Variants in GARNL3 observed in about 807,000 individuals in gnomAD.
The protein encoded by GARNL3 is GTPase activating Rap/RanGAP domain like 3.
Under a neutral mutation model 125.0 loss-of-function variants are expected in GARNL3, and 63 were observed. The ratio of observed to expected loss-of-function variants is 0.50; its 90% CI spans 0.41 to 0.62. The LOEUF is 0.62. GARNL3 is among the 20% of genes least tolerant of loss of function. The probability of loss-of-function intolerance (pLI) is 0.00; values close to 1 mark genes in which losing one functional copy is unlikely to be tolerated. For missense variants in GARNL3, 994 were observed against 1,244.0 expected, an observed-to-expected ratio of 0.80 and a Z score of 3.02; for synonymous variants, 439 against 457.5, an observed-to-expected ratio of 0.96 and a Z score of 0.52.
intron 9 of GARNL3, among the ~76,000 whole-genome samples, chr9:127,334,975 G>A (rs901231268): frequency 6.6e-6 from 1 of 152,192 alleles, no homozygotes; most frequent in African/African-American, 2.4e-5. Flanking sequence ...CTCCTCTTTA[G>A]CCTGGACTTC....
Position 127,311,675 on chromosome 9 carries a change from G to C in GARNL3, c.259G>C (p.Val87Leu). 6.2e-7 allele frequency: 1 copy of C among 1,613,982 alleles called. No homozygotes were observed. The highest frequency in any genetic ancestry group is 8.5e-7 in the Non-Finnish European group (1 of 1,179,876). The stretch of plus-strand genomic sequence containing the variant: ...GCCTGGTACTTGGCGAAGAACAGAC[G>C]TGCACTTAGAGAACCCAGAATACCA... ...ALPGTWRRTD[V>L]HLENPEYHTR... Residue 87 changes from valine (V) to leucine (L), a missense_variant, in exon 3 of 28, where the codon GTG becomes CTG. By Grantham distance (32) the Val-to-Leu change is conservative. This residue lies in a region of GARNL3 where 139 missense variants were observed against 231.6 expected (regional missense o/e 0.60). Coordinates refer to ENST00000373387, the MANE Select transcript of GARNL3 (RefSeq NM_032293.5).
intron 8 of GARNL3, 24 bp from the exon 9 acceptor site, chr9:127,332,999 C>T (rs1184714303): frequency 6.5e-6 from 10 of 1,542,984 alleles, no homozygotes; most frequent in Non-Finnish European, 9.0e-6. Context: ...CCATACTTTC[C>T]TCATACTCTA....
intron 1 of GARNL3, among the ~76,000 whole-genome samples, chr9:127,239,727 AAGTT>A (rs1374689248): frequency 6.6e-6 from 1 of 152,204 alleles, no homozygotes; most frequent in Non-Finnish European, 1.5e-5. Context: ...TAAAATTAGA[AAGTT>A]AGGACTAGAA....
chr9:127,374,614 A>T (rs904716349), intron 22 of GARNL3, among the ~76,000 whole-genome samples: 1 of 152,216 alleles, frequency 6.6e-6, no homozygotes, highest in Non-Finnish European at 1.5e-5. Context: ...CTCATACAGG[A>T]CTGGTAAAGG....
intron 2 of GARNL3, among the ~76,000 whole-genome samples, chr9:127,249,222 G>C (rs555426178): frequency 6.6e-6 from 1 of 152,298 alleles, no homozygotes; most frequent in East Asian, 1.9e-4. Context: ...AAATGGAAAG[G>C]GGAAGAAGGG....
At chr9:127,308,322 G>C (rs1460598485) in intron 2 of GARNL3, among the ~76,000 whole-genome samples, 1 of 152,188 alleles carries the variant, frequency 6.6e-6, no homozygotes, top group Non-Finnish European at 1.5e-5. Flanking sequence ...GAGGAGGGAA[G>C]ATGCTGCATT....
At chr9:127,257,384 T>C (rs768793853) in intron 2 of GARNL3, among the ~76,000 whole-genome samples, 5 of 152,226 alleles carry the variant, frequency 3.3e-5, no homozygotes, top group Non-Finnish European at 7.3e-5. Flanking sequence ...AATTTTATAG[T>C]CCCACTTGCA....
intron 1 of GARNL3, among the ~76,000 whole-genome samples, chr9:127,289,287 C>T (rs1229432089): frequency 1.3e-5 from 2 of 152,216 alleles, no homozygotes; most frequent in African/African-American, 4.8e-5. Context: ...AGACCACTCT[C>T]AGGTTTGATA....
Position 127,264,952 on chromosome 9 carries a change from C to T in GARNL3, c.75C>T (p.Ser25=). 1 of 1,613,152 alleles carries T rather than the reference C, an allele frequency of 6.2e-7. No homozygotes were observed. Among genetic ancestry groups the T allele is most frequent in the African/African-American group, 1.3e-5 (1 of 75,008 alleles). The change falls in exon 1 of 28, where the codon AGC becomes AGT. Residue 25 remains serine, a synonymous_variant. Transcript: ENST00000373387. ...TACTGATGAAGCATTTTTGTTCCAG[C>T]TCTGTCTCGGAAGACCTAGGCTGTA... ...CIILMKHFCS[S]SVSEDLGCRR...
At position 127,338,116 on chromosome 9, in the gene GARNL3, A is replaced by T; in HGVS notation, c.983A>T (p.His328Leu). 1 of 1,609,208 alleles carries T rather than the reference A, an allele frequency of 6.2e-7. No individual in the cohort carries two copies. Among genetic ancestry groups the T allele is most frequent in the African/African-American group, 1.3e-5 (1 of 74,960 alleles). ...TTAGTTCCCTTAACCATCACCACAG[A>T]TATTTTTGCCTTAGTGAGATACAAT... ...KPSMIRSHFT[H>L]IFALVRYNQQ... Residue 328 changes from histidine to leucine, a missense_variant and splice_region_variant, in exon 12 of 28, where the codon CAT becomes CTT. His to Leu is a moderately conservative substitution (Grantham distance 99). Coordinates refer to ENST00000373387, the MANE Select transcript of GARNL3 (RefSeq NM_032293.5).
intron 17 of GARNL3, among the ~76,000 whole-genome samples, chr9:127,352,519 C>T (rs1378342307): frequency 6.6e-6 from 1 of 152,068 alleles, no homozygotes; most frequent in African/African-American, 2.4e-5. Context: ...GTACAAAGAC[C>T]CTGAGAATTA....
chr9:127,325,372 G>A (rs1169808557), intron 7 of GARNL3, among the ~76,000 whole-genome samples: 1 of 152,162 alleles, frequency 6.6e-6, no homozygotes, highest in Non-Finnish European at 1.5e-5. Flanking sequence ...GGTGAGTAAT[G>A]AGGTTTTAAT....
intron 4 of GARNL3, among the ~76,000 whole-genome samples, chr9:127,315,213 A>C (rs1216649166): frequency 1.3e-5 from 2 of 152,230 alleles, no homozygotes; most frequent in African/African-American, 2.4e-5. Flanking sequence ...CATTGGCACA[A>C]GGGGTCAGTT....
chr9:127,257,063 A>G (rs896423246), intron 2 of GARNL3, among the ~76,000 whole-genome samples: 1 of 152,240 alleles, frequency 6.6e-6, no homozygotes, highest in African/African-American at 2.4e-5. Context: ...CATTCAGCAT[A>G]GTTCCCTGGA....
intron 12 of GARNL3, among the ~76,000 whole-genome samples, chr9:127,339,296 CAAA>C (rs58392654): frequency 2.5e-5 from 3 of 120,878 alleles, no homozygotes; most frequent in African/African-American, 2.9e-5. Flanking sequence ...GACTCCGTCT[CAAA>C]AAAAAAAAAA....
At chr9:127,310,373 T>C (rs56006856) in intron 2 of GARNL3, among the ~76,000 whole-genome samples, 1 of 152,156 alleles carries the variant, frequency 6.6e-6, no homozygotes, top group African/African-American at 2.4e-5. Flanking sequence ...TTGCAATCTA[T>C]TTCAAAGATT....
At chr9:127,349,455 C>T (rs1830314274) in intron 17 of GARNL3, among the ~76,000 whole-genome samples, 1 of 151,756 alleles carries the variant, frequency 6.6e-6, no homozygotes, top group Admixed American at 6.6e-5. Context: ...TACTGATGTC[C>T]AAAACAAACA....
chr9:127,354,073 C>T, intron 18 of GARNL3, 129 bp downstream of exon 18: 1 of 722,156 alleles, frequency 1.4e-6, no homozygotes, highest in Non-Finnish European at 2.4e-6. Flanking sequence ...ATGCTCAGTG[C>T]TTGGGATCCC....
At chr9:127,313,392 G>A (rs750405232) in intron 3 of GARNL3, 49 bp from the exon 4 acceptor site, 1 of 1,303,816 alleles carries the variant, frequency 7.7e-7, no homozygotes, top group Non-Finnish European at 1.1e-6. Context: ...ACCATCTGTG[G>A]CTGGCAGGAT....
Sources: gnomAD v4.1 joint callset for allele counts (sites outside exome capture counted in the v4.1 genomes callset) on GRCh38, gnomAD v4.1.1 for gene constraint, gnomAD v4.1.1 regional missense constraint, MANE v1.5 for transcripts, NCBI Gene and HGNC (gene_info 2026-07-23, HGNC 2026-07-21) for gene names.